AK9: variants seen among roughly 807,000 people sequenced by gnomAD.
AK9 encodes adenylate kinase domain containing 1.
In AK9, 191 loss-of-function variants were observed where a neutral mutation model predicts 239.6. That is an observed-to-expected ratio of 0.80 (90% CI 0.71 to 0.90). AK9 has a LOEUF of 0.90. AK9 is among the 40% of genes least tolerant of loss of function. The pLI, the probability that AK9 is intolerant of heterozygous loss-of-function variation, is 0.00. For synonymous variants in AK9, 689 were observed against 721.0 expected (o/e 0.96, Z 0.71); for missense variants, 1,995 against 2,214.7 (o/e 0.90, Z 1.99).
chr6:109,506,390 C>T lies in AK9; in HGVS notation c.4786G>A (p.Val1596Ile). ...FHSKWWVWNE[V>I]IKNVQMVNKY... ...TTCACCATTTGAACATTCTTAATGACTTCATTCCATACCCACCATTTGCTG... is the reference window on the plus strand; with the variant it reads ...TTCACCATTTGAACATTCTTAATGATTTCATTCCATACCCACCATTTGCTG... The change falls in exon 35 of 41, where the codon GTC (valine) becomes ATC (isoleucine). Residue 1596 changes from valine (V) to isoleucine (I), a missense_variant. Transcript: ENST00000424296. 2 of 1,613,850 alleles carry T rather than the reference C, an allele frequency of 1.2e-6. No individual in the cohort carries two copies. Among genetic ancestry groups the T allele is most frequent in the Non-Finnish European group, 1.7e-6 (2 of 1,179,938 alleles).
Position 109,612,077 on chromosome 6 carries a change from A to G in AK9, c.1626T>C (p.Gly542=). 1 of 1,539,852 alleles carries G rather than the reference A, an allele frequency of 6.5e-7. No individual in the cohort carries two copies. ...KVDKDDGKET[G]ETFTFKRHSQ... is the part of the protein sequence containing the mutation. Reference sequence around the variant, plus strand: ...AATGCCTTTTAAATGTGAATGTTTCACCAGTTTCTTTTCCATCTGTGAATA... The same window carrying G: ...AATGCCTTTTAAATGTGAATGTTTCGCCAGTTTCTTTTCCATCTGTGAATA... The change falls in exon 16 of 41, where the codon GGT becomes GGC. Residue 542 remains glycine (G), a synonymous_variant. Transcript: ENST00000424296.
chr6:109,562,160 AT>A (rs1182818278), intron 24 of AK9, among the ~76,000 whole-genome samples: 1 of 152,204 alleles, frequency 6.6e-6, no homozygotes, highest in Non-Finnish European at 1.5e-5. Context: ...AGCATTCTGT[AT>A]AATAGGCTGC....
At chr6:109,548,480 T>C (rs1484941645) in intron 25 of AK9, among the ~76,000 whole-genome samples, 5 of 152,154 alleles carry the variant, frequency 3.3e-5, no homozygotes, top group African/African-American at 9.7e-5. Context: ...AGATCAGCAG[T>C]TTCCAAATGG....
At chr6:109,506,622 T>A in intron 34 of AK9, 32 bp downstream of exon 34, 4 of 1,531,468 alleles carry the variant, frequency 2.6e-6, no homozygotes, top group Non-Finnish European at 3.5e-6. Flanking sequence ...TAAAGTTTAT[T>A]CCTTTTTTGT....
intron 29 of AK9, chr6:109,528,656 C>T (rs928117695): frequency 7.7e-5 from 36 of 465,302 alleles, no homozygotes; most frequent in Non-Finnish European, 1.1e-4. Flanking sequence ...GTCCTCTGTA[C>T]GGAAGTCCAG....
At chr6:109,510,106 G>T (rs1470037482) in intron 32 of AK9, among the ~76,000 whole-genome samples, 1 of 151,996 alleles carries the variant, frequency 6.6e-6, no homozygotes, top group East Asian at 2.0e-4. Flanking sequence ...GCCAGGGAGG[G>T]CCTGAAGGCT....
chr6:109,574,487 A>C (rs1156477777), intron 20 of AK9, among the ~76,000 whole-genome samples: 1 of 152,190 alleles, frequency 6.6e-6, no homozygotes, highest in African/African-American at 2.4e-5. Flanking sequence ...TGATATGAAA[A>C]CATCTTCATT....
chr6:109,514,116 G>A lies in AK9; in HGVS notation c.4279+108C>T, dbSNP rs139974489. ...TCACTCAGCCACCCTACGATTAAAT[G>A]TCTTTTTCTGCTGCAACCCAGTGTC... On this transcript the variant is annotated intron_variant, in intron 32 of 40. Transcript: ENST00000424296. 279 of 1,056,388 alleles carry A rather than the reference G, an allele frequency of 2.6e-4. 3 individuals carry two copies. The East Asian group carries it at 6.0e-3, about 23-fold the overall frequency. 65.4% of individuals were successfully genotyped at this position (1,056,388 alleles called of 1,614,324 possible).
In AK9 at chr6:109,656,668, C is replaced by T. The variant is rs1298504370; in HGVS notation, c.759+88G>A. 5.8e-6 allele frequency: 8 copies of T among 1,381,300 alleles called. No individual in the cohort carries two copies. The Admixed American group carries it at 1.5e-4, about 26-fold the overall frequency. 85.6% of individuals were successfully genotyped at this position (1,381,300 alleles called of 1,614,324 possible). A position where few individuals can be genotyped will look rare whatever the true frequency, so the allele number is the denominator to read the frequency against. On this transcript the variant is annotated intron_variant, in intron 8 of 40. Transcript: ENST00000424296. ...GGGGAGAATCAGACAGATAATAACA[C>T]ATGGGGATGAAGACATGTGAAAGCT...
At chr6:109,603,488 G>A (rs1453385735) in intron 17 of AK9, among the ~76,000 whole-genome samples, 2 of 152,148 alleles carry the variant, frequency 1.3e-5, no homozygotes, top group African/African-American at 4.8e-5. Flanking sequence ...CCCTACTGGG[G>A]GGTGCCTCCC....
At chr6:109,591,057 G>A (rs1790168782) in intron 17 of AK9, among the ~76,000 whole-genome samples, 1 of 152,130 alleles carries the variant, frequency 6.6e-6, no homozygotes, top group Non-Finnish European at 1.5e-5. Flanking sequence ...TCCAATTTAA[G>A]CCTAGAGTTT....
intron 26 of AK9, among the ~76,000 whole-genome samples, chr6:109,545,042 C>G (rs1011694401): frequency 1.2e-4 from 18 of 152,142 alleles, no homozygotes; most frequent in African/African-American, 4.3e-4. Context: ...GAATATGACT[C>G]TTTAAATGAC....
chr6:109,558,992 C>A (rs1204850472), intron 24 of AK9, among the ~76,000 whole-genome samples: 4 of 151,702 alleles, frequency 2.6e-5, no homozygotes, highest in Admixed American at 6.6e-5. Flanking sequence ...GCTGGGATTA[C>A]AGGCATACAC....
chr6:109,632,502 G>T (rs1459193812), intron 12 of AK9: 3 of 255,060 alleles, frequency 1.2e-5, no homozygotes, highest in East Asian at 3.6e-4. Context: ...TACTGAGGGA[G>T]GTGTCAAGGT....
At chr6:109,674,968 T>A (rs1051061149) in intron 2 of AK9, among the ~76,000 whole-genome samples, 2 of 152,168 alleles carry the variant, frequency 1.3e-5, no homozygotes, top group Admixed American at 1.3e-4. Context: ...TTACTAGAAA[T>A]GTCTAGAAAA....
In AK9 at chr6:109,654,615, G is replaced by T. The variant is rs9969050; in HGVS notation, c.759+2141C>A. 5.6e-3 allele frequency among the ~76,000 whole-genome samples: 854 copies of T among 152,310 alleles called. 9 individuals are homozygous for T. The highest frequency in any genetic ancestry group is 0.02 in the African/African-American group (824 of 41,568). On this transcript the variant is annotated intron_variant, in intron 8 of 40. Transcript: ENST00000424296. ...CAAAGAGCTAGGATTACAGGCATGA[G>T]CCACCGCGCCCTGCCTGTTCTATAT...
intron 24 of AK9, among the ~76,000 whole-genome samples, chr6:109,552,838 G>A (rs1219380990): frequency 6.6e-6 from 1 of 152,094 alleles, no homozygotes; most frequent in Non-Finnish European, 1.5e-5. Context: ...ATGCTTTTGG[G>A]TTATACATTT....
chr6:109,612,799 T>C (rs1793729792), intron 15 of AK9, among the ~76,000 whole-genome samples: 1 of 151,772 alleles, frequency 6.6e-6, no homozygotes, highest in African/African-American at 2.4e-5. Flanking sequence ...CAGCTCTACA[T>C]TATTTAACAA....
chr6:109,553,252 A>G (rs892062329), intron 24 of AK9, among the ~76,000 whole-genome samples: 3 of 152,330 alleles, frequency 2.0e-5, no homozygotes, highest in African/African-American at 7.2e-5. Flanking sequence ...TGTCAATGGT[A>G]GTTCGATGGG....
Sources: allele counts gnomAD v4.1 joint callset (sites outside exome capture counted in the v4.1 genomes callset), GRCh38; gene constraint gnomAD v4.1.1; transcripts MANE v1.5; gene names NCBI Gene and HGNC (gene_info 2026-07-23, HGNC 2026-07-21).